Variants in DMXL1 observed in about 807,000 individuals in gnomAD.
The protein encoded by DMXL1 is dmX-like protein 1.
A neutral mutation model predicts 319.2 loss-of-function variants in DMXL1; 99 were observed. The observed-to-expected ratio is 0.31, with a 90% CI of 0.26 to 0.37. DMXL1 has a LOEUF of 0.37. DMXL1 is among the 10% of genes least tolerant of loss of function. The pLI is 1.00. For missense variants in DMXL1, 3,745 were observed against 3,595.6 expected, an observed-to-expected ratio of 1.04 and a Z score of -1.06; for synonymous variants, 1,385 against 1,235.2, an observed-to-expected ratio of 1.12 and a Z score of -2.54.
At chr5:119,094,016 A>G (rs35975599) in intron 1 of DMXL1, among the ~76,000 whole-genome samples, 176 of 152,374 alleles carry the variant, frequency 1.2e-3, no homozygotes, top group Non-Finnish European at 1.9e-3. Flanking sequence ...TTTATAACCT[A>G]TAAGTGCAAG....
At chr5:119,073,804 C>T (rs757130518) in intron 1 of DMXL1, among the ~76,000 whole-genome samples, 38 of 152,134 alleles carry the variant, frequency 2.5e-4, no homozygotes, top group Non-Finnish European at 4.4e-4. Context: ...AAGTTGCTTA[C>T]GCTCATTATC....
rs1774653490 is a variant in DMXL1, at chr5:119,171,920, C to G, written c.6632C>G (p.Ala2211Gly). 1.2e-6 allele frequency: 2 copies of G among 1,613,644 alleles called. No individual in the cohort carries two copies. The highest frequency in any genetic ancestry group is 4.5e-5 in the East Asian group (2 of 44,840). Residue 2211 changes from alanine (A) to glycine (G), a missense_variant, in exon 25 of 44, where the codon GCC (alanine) becomes GGC (glycine). By Grantham distance (60) the Ala-to-Gly change is moderately conservative (BLOSUM62 0). Transcript: ENST00000539542. ...AATCTGACACATGATATTCTCCATG[C>G]CATAATAAACTTTGATTCACCACCC... ...LSNLTHDILH[A>G]IINFDSPPHP...
At chr5:119,103,409 A>C (rs1263747163) in intron 3 of DMXL1, among the ~76,000 whole-genome samples, 1 of 152,220 alleles carries the variant, frequency 6.6e-6, no homozygotes, top group African/African-American at 2.4e-5. Context: ...TAGTTTGTGC[A>C]GCCATTATTT....
chr5:119,116,100 T>G, intron 6 of DMXL1, 58 bp from the exon 7 acceptor site: 1 of 1,486,962 alleles, frequency 6.7e-7, no homozygotes, highest in Non-Finnish European at 9.1e-7. Flanking sequence ...TTTTGCTATT[T>G]GATTTAATCT....
chr5:119,234,969 C>T (rs1787465043), intron 39 of DMXL1, among the ~76,000 whole-genome samples: 1 of 152,094 alleles, frequency 6.6e-6, no homozygotes, highest in African/African-American at 2.4e-5. Context: ...TTTTAAGGCA[C>T]AAAAAACTGC....
Position 119,147,074 on chromosome 5 carries a change from G to T in DMXL1, c.2689+118G>T. The T allele has an allele frequency of 2.5e-6, 3 of 1,223,510 alleles. No individual in the cohort carries two copies. In the South Asian group the frequency reaches 4.1e-5, roughly 17 times the overall value. The allele number at this position is 1,223,510 out of a possible 1,614,324, so 75.8% of individuals were successfully genotyped here. A position where few individuals can be genotyped will look rare whatever the true frequency, so the allele number is the denominator to read the frequency against. On this transcript the variant is annotated intron_variant, in intron 16 of 43. Transcript: ENST00000539542. ...CCATTCTCATTAAATGGTGATAACTGTAGATTATTCAATTAATTCAAAAAG... is the reference window on the plus strand; with the variant it reads ...CCATTCTCATTAAATGGTGATAACTTTAGATTATTCAATTAATTCAAAAAG...
At position 119,172,595 on chromosome 5, in the gene DMXL1, A is replaced by G. The variant is rs567751651; in HGVS notation, c.6681+626A>G. On this transcript the variant is annotated intron_variant, in intron 25 of 43. Transcript: ENST00000539542. ...TGCAACTAATTATATTGTTATAGTTAATTGTCTAATCAACCAAAGCATCCT... is the reference window on the plus strand; with the variant it reads ...TGCAACTAATTATATTGTTATAGTTGATTGTCTAATCAACCAAAGCATCCT... Among the ~76,000 whole-genome samples the G allele has an allele frequency of 5.3e-5, 8 of 152,368 alleles. No individual in the cohort carries two copies. The East Asian group carries it at 1.5e-3, about 29-fold the overall frequency.
intron 1 of DMXL1, among the ~76,000 whole-genome samples, chr5:119,074,401 G>T (rs1301857059): frequency 1.3e-5 from 2 of 152,118 alleles, no homozygotes; most frequent in Non-Finnish European, 2.9e-5. Flanking sequence ...TTGGTACTTT[G>T]TGTTTTCTTT....
intron 13 of DMXL1, among the ~76,000 whole-genome samples, chr5:119,138,217 A>G (rs1215164321): frequency 6.6e-6 from 1 of 152,174 alleles, no homozygotes; most frequent in Non-Finnish European, 1.5e-5. Context: ...TAGAACATTG[A>G]ATAGCTATGA....
At chr5:119,119,612 T>C (rs948108397) in intron 8 of DMXL1, among the ~76,000 whole-genome samples, 2 of 151,694 alleles carry the variant, frequency 1.3e-5, no homozygotes, top group African/African-American at 2.4e-5. Context: ...CTTGGCTCAC[T>C]GTATTCCTGG....
intron 1 of DMXL1, among the ~76,000 whole-genome samples, chr5:119,073,787 A>G (rs757638906): frequency 1.3e-5 from 2 of 151,994 alleles, no homozygotes; most frequent in Non-Finnish European, 2.9e-5. Flanking sequence ...TTCATCCTTG[A>G]CTCTTTAAGT....
intron 13 of DMXL1, 82 bp downstream of exon 13, chr5:119,134,471 T>C: frequency 8.5e-7 from 1 of 1,175,972 alleles, no homozygotes; most frequent in East Asian, 2.4e-5. Flanking sequence ...TGTTCTACAA[T>C]TGTGACCTAT....
At position 119,239,017 on chromosome 5, in the gene DMXL1, A is replaced by G. The variant is rs759598657; in HGVS notation, c.8588A>G (p.Asn2863Ser). The G allele has an allele frequency of 8.7e-6, 14 of 1,613,740 alleles. No homozygotes were observed. The Admixed American group carries it at 2.0e-4, about 23-fold the overall frequency. ...TGGCAGTGTCATAACAAAACAGCCA[A>G]TGATTTTGTCTTCGTTAGTTCCTCC... ...LTWQCHNKTA[N>S]DFVFVSSSSL... Residue 2863 changes from asparagine (N) to serine (S), a missense_variant, in exon 41 of 44, where the codon AAT becomes AGT. By Grantham distance (46) the Asn-to-Ser change is conservative (BLOSUM62 1). Transcript: ENST00000539542.
At chr5:119,075,509 G>A (rs1010301434) in intron 1 of DMXL1, among the ~76,000 whole-genome samples, 1 of 152,048 alleles carries the variant, frequency 6.6e-6, no homozygotes, top group Non-Finnish European at 1.5e-5. Flanking sequence ...CACGTACTGG[G>A]ATTACAGGCG....
intron 30 of DMXL1, among the ~76,000 whole-genome samples, chr5:119,195,066 A>T (rs1406998355): frequency 3.3e-5 from 5 of 150,960 alleles, no homozygotes; most frequent in African/African-American, 1.2e-4. Context: ...GGCTACCAAA[A>T]AAAAAACAAA....
At chr5:119,184,785 ATGT>A (rs1295143620) in intron 28 of DMXL1, among the ~76,000 whole-genome samples, 1 of 152,030 alleles carries the variant, frequency 6.6e-6, no homozygotes, top group Non-Finnish European at 1.5e-5. Context: ...ATGTTCTTCC[ATGT>A]TGTAGCTTGC....
At chr5:119,109,709 A>C (rs1389408839) in intron 4 of DMXL1, among the ~76,000 whole-genome samples, 5 of 152,122 alleles carry the variant, frequency 3.3e-5, no homozygotes, top group African/African-American at 1.2e-4. Flanking sequence ...ACCAGGTTTC[A>C]TTTCCTCACT....
intron 1 of DMXL1, among the ~76,000 whole-genome samples, chr5:119,082,090 T>G (rs1021206292): frequency 1.9e-4 from 29 of 150,936 alleles, no homozygotes; most frequent in African/African-American, 6.5e-4. Context: ...GAATGTTTTA[T>G]AAAATCAATT....
At chr5:119,116,940 TA>T (rs1408645482) in intron 7 of DMXL1, among the ~76,000 whole-genome samples, 1 of 151,034 alleles carries the variant, frequency 6.6e-6, no homozygotes, top group Admixed American at 6.6e-5. Flanking sequence ...TGGAAAGAGT[TA>T]ATGTAATACT....
Sources: gnomAD v4.1 joint callset for allele counts (sites outside exome capture counted in the v4.1 genomes callset) on GRCh38, gnomAD v4.1.1 for gene constraint, MANE v1.5 for transcripts, NCBI Gene and HGNC (gene_info 2026-07-23, HGNC 2026-07-21) for gene names.